The following OBP2A variants were observed in gnomAD, a reference collection of about 807,000 sequenced individuals.
OBP2A encodes odorant binding protein 2A.
Under a neutral mutation model 21.9 loss-of-function variants are expected in OBP2A, and 15 were observed. The ratio of observed to expected loss-of-function variants is 0.69; its 90% CI spans 0.46 to 1.06. The LOEUF is 1.06. Among genes scored for constraint, OBP2A ranks in the 50% least tolerant of loss-of-function variants. OBP2A has a pLI of 0.00. For missense variants in OBP2A, 192 were observed against 220.1 expected (o/e 0.87, Z 0.81); for synonymous variants, 86 against 91.8 (o/e 0.94, Z 0.36).
At chr9:135,547,546 A>C (rs1831973357) in intron 3 of OBP2A, among the ~76,000 whole-genome samples, 1 of 152,226 alleles carries the variant, frequency 6.6e-6, no homozygotes, top group Non-Finnish European at 1.5e-5. Flanking sequence ...AGGGATGGGA[A>C]GCCAAGGCTG....
chr9:135,547,952 G>T lies in OBP2A; in HGVS notation c.359G>T (p.Gly120Val). The change falls in exon 4 of 7, where the codon GGG becomes GTG. Residue 120 changes from glycine to valine, a missense_variant. Transcript: ENST00000371776. Reference protein sequence around the residue: ...YVFYCKDQRRGGLRYMGKLVG... With the variant: ...YVFYCKDQRRVGLRYMGKLVG... ...TTTTACTGCAAAGACCAGCGCCGTG[G>T]GGGCCTGCGCTACATGGGAAAGCTT... is the stretch of plus-strand genomic sequence containing the variant. 6.2e-7 allele frequency: 1 copy of T among 1,612,812 alleles called. No homozygotes were observed. The highest frequency in any genetic ancestry group is 8.5e-7 in the Non-Finnish European group (1 of 1,179,244).
chr9:135,547,703 C>T (rs1831979519), intron 3 of OBP2A, among the ~76,000 whole-genome samples, 168 bp from the exon 4 acceptor site: 1 of 152,226 alleles, frequency 6.6e-6, no homozygotes. Context: ...AGAGGAGGCT[C>T]CTGCCTCCGT....
At chr9:135,547,826 C>T (rs1431229253) in intron 3 of OBP2A, 45 bp from the exon 4 acceptor site, 4 of 1,412,254 alleles carry the variant, frequency 2.8e-6, no homozygotes, top group Non-Finnish European at 3.9e-6. Context: ...AGTGCTCTCT[C>T]CGGGAATGAG....
At position 135,547,158 on chromosome 9, in the gene OBP2A, G is replaced by C. The variant is rs535886153; in HGVS notation, c.207-20G>C. Reference sequence around the variant, plus strand: ...AGGTGTGTCCTGGGAGCCGCTGCCCGAGTGTCTCCTGTTTTCCAGGAGGGA... The same window carrying C: ...AGGTGTGTCCTGGGAGCCGCTGCCCCAGTGTCTCCTGTTTTCCAGGAGGGA... On this transcript the variant is annotated intron_variant, in intron 2 of 6. Transcript: ENST00000371776. 15 of 1,609,462 alleles carry C rather than the reference G, an allele frequency of 9.3e-6. No homozygotes were observed. The highest frequency in any genetic ancestry group is 1.3e-5 in the Non-Finnish European group (15 of 1,177,880).
At chr9:135,548,585 G>A in intron 4 of OBP2A, 123 bp from the exon 5 acceptor site, 2 of 1,434,772 alleles carry the variant, frequency 1.4e-6, no homozygotes. Context: ...CCTGAGCTCT[G>A]ATCCACTCTC....
chr9:135,548,498 TC>T (rs1832014992), intron 4 of OBP2A: 1 of 642,450 alleles, frequency 1.6e-6, no homozygotes, highest in Non-Finnish European at 2.6e-6. Context: ...ACCCCTGAGC[TC>T]TTGTCCATTC....
At chr9:135,547,062 G>A (rs1831955579) in intron 2 of OBP2A, 116 bp from the exon 3 acceptor site, 1 of 1,466,946 alleles carries the variant, frequency 6.8e-7, no homozygotes, top group South Asian at 1.2e-5. Flanking sequence ...GAAGCTCGGT[G>A]GGGTGGGGGG....
chr9:135,547,188 C>G lies in OBP2A; in HGVS notation c.217C>G (p.Arg73Gly). Residue 73 changes from arginine (R) to glycine (G), a missense_variant, in exon 3 of 7, where the codon CGG (arginine) becomes GGG (glycine). Arg to Gly is a moderately radical substitution (Grantham distance 125, BLOSUM62 -2). Coordinates refer to ENST00000371776, the MANE Select transcript of OBP2A (RefSeq NM_014582.3). Reference sequence around the variant, plus strand: ...TCTCCTGTTTTCCAGGAGGGAGGATCGGTGCATCCAGAAGAAAATCCTGAT... The same window carrying G: ...TCTCCTGTTTTCCAGGAGGGAGGATGGGTGCATCCAGAAGAAAATCCTGAT... Reference protein sequence around the residue: ...EATFTFMREDRCIQKKILMRK... With the variant: ...EATFTFMREDGCIQKKILMRK... 1 of 1,612,516 alleles carries G rather than the reference C, an allele frequency of 6.2e-7. No individual in the cohort carries two copies. The highest frequency in any genetic ancestry group is 8.5e-7 in the Non-Finnish European group (1 of 1,179,936).
rs1158371898 is a variant in OBP2A, at chr9:135,549,383, G to A, written c.*1+52G>A. On this transcript the variant is annotated intron_variant, in intron 6 of 6. Coordinates refer to ENST00000371776, the MANE Select transcript of OBP2A (RefSeq NM_014582.3). ...GACAAGCCCAGAGTCCTGGGTTCCC[G>A]GGGTTCGAGGGTACATCTGCTCTGG... 1.6e-5 allele frequency: 23 copies of A among 1,401,950 alleles called. 2 individuals carry two copies. In the East Asian group the frequency reaches 3.7e-4, roughly 23 times the overall value. The allele number at this position is 1,401,950 out of a possible 1,614,324, so 86.8% of individuals were successfully genotyped here. A position where few individuals can be genotyped will look rare whatever the true frequency, so the allele number is the denominator to read the frequency against.
At chr9:135,546,425 C>CATT (rs369597787) in intron 1 of OBP2A, among the ~76,000 whole-genome samples, 173 bp downstream of exon 1, 1 of 151,142 alleles carries the variant, frequency 6.6e-6, no homozygotes, top group Non-Finnish European at 1.5e-5. Context: ...CACGGCCCCC[C>CATT]GAGGCCCAGG....
In OBP2A at chr9:135,547,749, G is replaced by A; in HGVS notation, c.278-122G>A. On this transcript the variant is annotated intron_variant, in intron 3 of 6. Transcript: ENST00000371776. The stretch of plus-strand genomic sequence containing the variant: ...ATGCTGTGCGGAGCAGCCAGGCCTG[G>A]CTCAGGCTGTCCAGGGCACCTGGGT... The A allele has an allele frequency of 4.1e-6, 3 of 737,530 alleles. No homozygotes were observed. In the South Asian group the frequency reaches 5.5e-5, roughly 13 times the overall value. 45.7% of individuals were successfully genotyped at this position (737,530 alleles called of 1,614,324 possible). A position where few individuals can be genotyped will look rare whatever the true frequency, so the allele number is the denominator to read the frequency against.
At chr9:135,548,010 C>A in intron 4 of OBP2A, 29 bp downstream of exon 4, 2 of 1,487,844 alleles carry the variant, frequency 1.3e-6, no homozygotes, top group South Asian at 1.2e-5. Flanking sequence ...CCTGCATGTC[C>A]TGCCCCATGG....
chr9:135,549,892 A>G lies in OBP2A; in HGVS notation c.*57A>G, dbSNP rs747144697. On this transcript the variant is annotated 3_prime_UTR_variant, in exon 7 of 7. Transcript: ENST00000371776. The stretch of plus-strand genomic sequence containing the variant: ...CCCTACCACCAGACACAGAGCCCGG[A>G]CCACCTGGACCTACCCTCCAGCCAT... 6.5e-7 allele frequency: 1 copy of G among 1,548,680 alleles called. No homozygotes were observed. The highest frequency in any genetic ancestry group is 8.7e-7 in the Non-Finnish European group (1 of 1,146,078).
chr9:135,546,925 A>G lies in OBP2A; in HGVS notation c.206+14A>G. ...GTTCACCTTCATGTGAGTGTTGCCC[A>G]CTGCAGGGCCCCTCAGGCCACTTTC... On this transcript the variant is annotated intron_variant, in intron 2 of 6. Coordinates refer to ENST00000371776, the MANE Select transcript of OBP2A (RefSeq NM_014582.3). 6.2e-7 allele frequency: 1 copy of G among 1,612,142 alleles called. No homozygotes were observed. The highest frequency in any genetic ancestry group is 8.5e-7 in the Non-Finnish European group (1 of 1,178,624).
chr9:135,548,646 C>G, intron 4 of OBP2A, 62 bp from the exon 5 acceptor site: 2 of 1,607,580 alleles, frequency 1.2e-6, no homozygotes, highest in Non-Finnish European at 1.7e-6. Flanking sequence ...CTTTTAGCAT[C>G]TGCTCCCTGC....
chr9:135,548,120 G>A (rs1174834772), intron 4 of OBP2A, 139 bp downstream of exon 4: 48 of 612,048 alleles, frequency 7.8e-5, no homozygotes, highest in Middle Eastern at 3.7e-4. Flanking sequence ...GGCACCAAGC[G>A]CTGCCCTGGA....
rs28582491 is a variant in OBP2A, at chr9:135,549,072, C to T, written c.491-236C>T. ...GGCTGCGATGGGGTCTGGGGCTCCG[C>T]GCTCTGGGCTGCGATGGGGTCTGGG... On this transcript the variant is annotated intron_variant, in intron 5 of 6. Transcript: ENST00000371776. Among the ~76,000 whole-genome samples, 33 of 28,252 alleles carry T rather than the reference C, an allele frequency of 1.2e-3. 1 individual carries two copies. The highest frequency in any genetic ancestry group is 4.5e-3 in the African/African-American group (32 of 7,080). 18.5% of individuals were successfully genotyped at this position (28,252 alleles called of 152,430 possible).
At position 135,547,910 on chromosome 9, in the gene OBP2A, G is replaced by T; in HGVS notation, c.317G>T (p.Gly106Val). ...CTCATATACCTGCAGGAGCTGCCCG[G>T]GACGGACGACTACGTCTTTTACTGC... The part of the protein sequence containing the change: ...RKLIYLQELP[G>V]TDDYVFYCKD... The change falls in exon 4 of 7, where the codon GGG becomes GTG. Residue 106 changes from glycine (G) to valine (V), a missense_variant. Transcript: ENST00000371776. 2 of 1,613,346 alleles carry T rather than the reference G, an allele frequency of 1.2e-6. No homozygotes were observed. The highest frequency in any genetic ancestry group is 1.7e-6 in the Non-Finnish European group (2 of 1,179,690).
intron 1 of OBP2A, among the ~76,000 whole-genome samples, chr9:135,546,569 C>T (rs2118992417): frequency 6.6e-6 from 1 of 151,918 alleles, no homozygotes; most frequent in Admixed American, 6.5e-5. Context: ...CAGACATGCC[C>T]TCCTTCCACT....
Sources: allele counts gnomAD v4.1 joint callset (sites outside exome capture counted in the v4.1 genomes callset), GRCh38; gene constraint gnomAD v4.1.1; transcripts MANE v1.5; gene names NCBI Gene and HGNC (gene_info 2026-07-23, HGNC 2026-07-21).